BET1: variants seen among roughly 807,000 people sequenced by gnomAD.
The protein encoded by BET1 is Bet1 golgi vesicular membrane trafficking protein.
BET1 carries 9 observed loss-of-function variants against 13.9 expected under a neutral mutation model. That is an observed-to-expected ratio of 0.65 (90% confidence interval 0.39 to 1.13). The LOEUF (loss-of-function observed/expected upper bound fraction) is 1.13, where lower values mean the gene tolerates loss of function less well. BET1 is among the 50% of genes most tolerant of loss of function. The probability of loss-of-function intolerance (pLI) is 0.01; values close to 1 mark genes in which losing one functional copy is unlikely to be tolerated. For missense variants in BET1, 127 were observed against 133.6 expected (o/e 0.95, Z 0.24); for synonymous variants, 39 against 47.3 (o/e 0.82, Z 0.72).
At chr7:93,973,627 G>C (rs1795293505) in intron 5 of BET1, among the ~76,000 whole-genome samples, 1 of 151,948 alleles carries the variant, frequency 6.6e-6, no homozygotes, top group Admixed American at 6.6e-5. Flanking sequence ...TACTGATCAT[G>C]GGGCGAGAAC....
At chr7:93,995,132 T>C (rs1372060367) in intron 3 of BET1, among the ~76,000 whole-genome samples, 1 of 152,232 alleles carries the variant, frequency 6.6e-6, no homozygotes, top group African/African-American at 2.4e-5. Context: ...AGGCGTGAGC[T>C]ACCATGCTAG....
chr7:93,997,897 T>C (rs1795806755), intron 2 of BET1, among the ~76,000 whole-genome samples: 1 of 152,190 alleles, frequency 6.6e-6, no homozygotes, highest in Admixed American at 6.5e-5. Flanking sequence ...CAAATCACTA[T>C]GAATAAGTGC....
downstream of BET1, among the ~76,000 whole-genome samples, chr7:93,991,375 T>C (rs1484391687): frequency 3.9e-5 from 6 of 152,174 alleles, no homozygotes; most frequent in African/African-American, 1.4e-4. Context: ...GAGATTCTCA[T>C]TTGGGAAACA....
chr7:93,978,904 T>C (rs1403441129), intron 4 of BET1, among the ~76,000 whole-genome samples: 4 of 152,174 alleles, frequency 2.6e-5, no homozygotes, highest in African/African-American at 9.7e-5. Context: ...TGGTCATGGT[T>C]CAAGAGCACC....
intron 1 of BET1, 71 bp from the exon 2 acceptor site, chr7:93,999,365 C>T: frequency 6.5e-7 from 1 of 1,529,572 alleles, no homozygotes; most frequent in Non-Finnish European, 8.7e-7. Context: ...TAGGAAAGAA[C>T]TGAAAAAGAC....
At chr7:93,974,459 G>A (rs568643023) in intron 5 of BET1, among the ~76,000 whole-genome samples, 87 of 152,108 alleles carry the variant, frequency 5.7e-4, no homozygotes, top group South Asian at 4.6e-3. Context: ...GCAGCAGGAA[G>A]TACGACAGTG....
chr7:93,965,885 T>A (rs1292516261), intron 6 of BET1, among the ~76,000 whole-genome samples: 2 of 152,022 alleles, frequency 1.3e-5, no homozygotes, highest in Non-Finnish European at 2.9e-5. Context: ...AAGATAGACC[T>A]TTACTTAGTT....
intron 4 of BET1, among the ~76,000 whole-genome samples, chr7:93,977,375 C>T (rs989599666): frequency 2.0e-5 from 3 of 152,010 alleles, no homozygotes; most frequent in African/African-American, 4.8e-5. Flanking sequence ...ACTATTTAGC[C>T]TTCATTGGCT....
intron 5 of BET1, among the ~76,000 whole-genome samples, chr7:93,974,256 A>G (rs1795303173): frequency 1.3e-5 from 2 of 152,042 alleles, no homozygotes; most frequent in African/African-American, 4.8e-5. Flanking sequence ...CCAGTATAAT[A>G]TATGTATTCT....
At chr7:93,964,121 C>T (rs1031111052) in exon 7 of BET1, 3 of 151,644 alleles carry the variant, frequency 2.0e-5, no homozygotes, top group Non-Finnish European at 2.9e-5. Context: ...AAAATAAAAA[C>T]GATTTCCACT....
intron 4 of BET1, among the ~76,000 whole-genome samples, chr7:93,985,441 A>G (rs1795508356): frequency 6.6e-6 from 1 of 152,188 alleles, no homozygotes; most frequent in Admixed American, 6.5e-5. Flanking sequence ...AGTGTTCAGA[A>G]CTGTCTCTCA....
Position 93,993,703 on chromosome 7 carries a change from T to C in BET1, c.*527A>G, listed in dbSNP as rs977760898. On this transcript the variant is annotated 3_prime_UTR_variant, in exon 4 of 4. Transcript: ENST00000222547. ...ATGAGGGGTCATTATCATCAAAAAT[T>C]ATTAGGAAGATTGTAGGTAAAAAGA... The C allele has an allele frequency of 1.4e-5, 19 of 1,354,480 alleles. No homozygotes were observed. Among genetic ancestry groups the C allele is most frequent in the Non-Finnish European group, 1.8e-5 (19 of 1,059,358 alleles). The allele number at this position is 1,354,480 out of a possible 1,614,324, so 83.9% of individuals were successfully genotyped here. A position where few individuals can be genotyped will look rare whatever the true frequency, so the allele number is the denominator to read the frequency against.
chr7:93,977,604 C>T (rs1342911611), intron 4 of BET1, among the ~76,000 whole-genome samples: 1 of 152,102 alleles, frequency 6.6e-6, no homozygotes, highest in African/African-American at 2.4e-5. Context: ...AAGATTCAGA[C>T]CTCAGCTCTC....
At chr7:93,976,137 T>C in intron 4 of BET1, 1 of 1,140,216 alleles carries the variant, frequency 8.8e-7, no homozygotes, top group Non-Finnish European at 1.1e-6. Context: ...TTCTAAATAA[T>C]TTGAAAAAAC....
chr7:93,994,291 T>C lies in BET1; in HGVS notation c.296A>G (p.Tyr99Cys). 1.2e-6 allele frequency: 2 copies of C among 1,613,780 alleles called. No individual in the cohort carries two copies. Among genetic ancestry groups the C allele is most frequent in the South Asian group, 1.1e-5 (1 of 91,028 alleles). Residue 99 changes from tyrosine to cysteine, a missense_variant, in exon 4 of 4, where the codon TAT becomes TGT. By Grantham distance (194) the Tyr-to-Cys change is radical. Transcript: ENST00000222547. The part of the protein sequence containing the change: ...SRGSQTKLLC[Y>C]MMLFSLFVFF... ...GACAAATAAAGAAAACAGCATCATA[T>C]AGCACAGCAGCTTTGTTTGGCTCCC...
intron 2 of BET1, among the ~76,000 whole-genome samples, chr7:93,998,504 G>T (rs1341519447): frequency 6.6e-6 from 1 of 152,120 alleles, no homozygotes; most frequent in African/African-American, 2.4e-5. Flanking sequence ...TTCAAGACCA[G>T]CCTGGCCAAC....
chr7:94,002,663 G>A (rs1299906153), intron 1 of BET1, among the ~76,000 whole-genome samples: 7 of 152,072 alleles, frequency 4.6e-5, no homozygotes, highest in Non-Finnish European at 8.8e-5. Flanking sequence ...CACTGCAGCA[G>A]GAAAATACTC....
At chr7:93,974,592 G>A (rs1321135648) in intron 5 of BET1, among the ~76,000 whole-genome samples, 2 of 151,974 alleles carry the variant, frequency 1.3e-5, no homozygotes, top group Non-Finnish European at 2.9e-5. Flanking sequence ...ATAGAATAAA[G>A]TAAATATCTG....
rs1000993344 is a variant in BET1 at position 93,976,175 on chromosome 7, T to A, written c.236-75A>T. On this transcript the variant is annotated intron_variant and NMD_transcript_variant, in intron 4 of 6. Coordinates refer to the BET1 transcript ENST00000357520. Reference sequence around the variant, plus strand: ...AACAAAACAACATTTAAAGTAGAAGTAAATGTACTCTCAGAAGAGTTACAG... The same window carrying A: ...AACAAAACAACATTTAAAGTAGAAGAAAATGTACTCTCAGAAGAGTTACAG... 5 of 1,014,136 alleles carry A rather than the reference T, an allele frequency of 4.9e-6. No individual in the cohort carries two copies. The East Asian group carries it at 1.9e-4, about 38-fold the overall frequency. The allele number at this position is 1,014,136 out of a possible 1,614,324, so 62.8% of individuals were successfully genotyped here.
Sources: allele counts gnomAD v4.1 joint callset (sites outside exome capture counted in the v4.1 genomes callset), GRCh38; gene constraint gnomAD v4.1.1; transcripts MANE v1.5; gene names NCBI Gene and HGNC (gene_info 2026-07-23, HGNC 2026-07-21).